Variants in MRTFB observed in about 807,000 individuals in gnomAD.
MRTFB encodes myocardin related transcription factor B, also known as myocardin-related transcription factor B.
MRTFB carries 29 observed loss-of-function variants against 104.2 expected under a neutral mutation model. That is an observed-to-expected ratio of 0.28 (90% CI 0.21 to 0.38). MRTFB has a LOEUF of 0.38. Ranked by LOEUF, MRTFB falls within the 10% of genes least tolerant of loss-of-function variation. The pLI, the probability that MRTFB is intolerant of heterozygous loss-of-function variation, is 1.00. For synonymous variants in MRTFB, 535 were observed against 519.5 expected, an observed-to-expected ratio of 1.03 and a Z score of -0.41; for missense variants, 1,270 against 1,341.6, an observed-to-expected ratio of 0.95 and a Z score of 0.83.
chr16:14,080,658 G>A (rs1011442166), intron 2 of MRTFB, among the ~76,000 whole-genome samples: 4 of 151,620 alleles, frequency 2.6e-5, no homozygotes, highest in Admixed American at 6.6e-5. Flanking sequence ...ACCCCCACCT[G>A]CCCCCGACCT....
At chr16:14,176,297 G>T (rs910045929) in intron 3 of MRTFB, among the ~76,000 whole-genome samples, 1 of 152,214 alleles carries the variant, frequency 6.6e-6, no homozygotes, top group Non-Finnish European at 1.5e-5. Context: ...ATAGGAATAA[G>T]ATAAATGAGA....
chr16:14,127,767 AG>A (rs2037194362), intron 2 of MRTFB, among the ~76,000 whole-genome samples: 1 of 150,754 alleles, frequency 6.6e-6, no homozygotes, highest in Non-Finnish European at 1.5e-5. Flanking sequence ...CTCTTTCTCC[AG>A]GGTGTCATTT....
Position 14,163,268 on chromosome 16 carries a change from A to G in MRTFB, c.154+22508A>G, listed in dbSNP as rs1277704830. 3.3e-5 allele frequency among the ~76,000 whole-genome samples: 5 copies of G among 152,198 alleles called. No homozygotes were observed. The South Asian group carries it at 6.2e-4, about 19-fold the overall frequency. On this transcript the variant is annotated intron_variant, in intron 3 of 16. Coordinates refer to ENST00000571589, the MANE Select transcript of MRTFB (RefSeq NM_001308142.2). The stretch of plus-strand genomic sequence containing the variant: ...AGATTTTCTTGGAACCCAATTGGAA[A>G]TAAGTCAGGTATGACCATTTAAAGA...
chr16:14,040,040 G>A, the MRTFB span, among the ~76,000 whole-genome samples: 9 of 152,212 alleles, frequency 5.9e-5, no homozygotes, highest in South Asian at 2.1e-4. Flanking sequence ...GAGCCACCGC[G>A]CCCAGCCGAT....
intron 2 of MRTFB, among the ~76,000 whole-genome samples, chr16:14,131,102 A>G (rs2037416157): frequency 1.3e-5 from 2 of 152,198 alleles, no homozygotes; most frequent in Non-Finnish European, 2.9e-5. Context: ...TTGAGGTTAT[A>G]CATTGCTCAA....
chr16:14,177,432 GT>G lies in MRTFB; in HGVS notation c.155-32807del, dbSNP rs1377620504. Among the ~76,000 whole-genome samples, 1 of 152,170 alleles carries G rather than the reference GT, an allele frequency of 6.6e-6. No individual in the cohort carries two copies. Among genetic ancestry groups the G allele is most frequent in the African/African-American group, 2.4e-5 (1 of 41,426 alleles). On this transcript the variant is annotated intron_variant, in intron 3 of 16. Coordinates refer to ENST00000571589, the MANE Select transcript of MRTFB (RefSeq NM_001308142.2). This position sits in a 1 kb window ranked among gnomAD's most constrained non-coding sequence, Gnocchi z 4.7. The stretch of plus-strand genomic sequence containing the variant: ...GCTAACCCATTACTCCCTGTTGAGT[GT>G]TTTGGGTTTTGTTTGTTTGTTTTTT...
chr16:14,124,705 T>C (rs1366035331), intron 2 of MRTFB, among the ~76,000 whole-genome samples: 1 of 152,218 alleles, frequency 6.6e-6, no homozygotes, highest in Admixed American at 6.5e-5. Context: ...TCATCAGGGA[T>C]ATTGGCCAGA....
the MRTFB span, among the ~76,000 whole-genome samples, chr16:14,037,491 C>T: frequency 1.3e-5 from 2 of 152,106 alleles, no homozygotes; most frequent in African/African-American, 2.4e-5. Flanking sequence ...GGAAGGGTGT[C>T]TTCCATTGAG....
chr16:14,088,225 G>C (rs1361939585), intron 2 of MRTFB, among the ~76,000 whole-genome samples: 1 of 152,108 alleles, frequency 6.6e-6, no homozygotes, highest in East Asian at 1.9e-4. Flanking sequence ...ATTTTATGGT[G>C]GGAATGTACA....
At chr16:14,231,195 A>C (rs2042247453) in intron 8 of MRTFB, among the ~76,000 whole-genome samples, 1 of 151,784 alleles carries the variant, frequency 6.6e-6, no homozygotes, top group Admixed American at 6.6e-5. Context: ...ATGACGAGTT[A>C]ATGGGTGCAG....
chr16:14,063,788 G>A, the MRTFB span, among the ~76,000 whole-genome samples: 2 of 152,162 alleles, frequency 1.3e-5, no homozygotes, highest in Non-Finnish European at 2.9e-5. Context: ...AGATGTCCAT[G>A]CTGCAAAGGA....
chr16:14,164,318 A>G (rs529348993), intron 3 of MRTFB, among the ~76,000 whole-genome samples: 1 of 152,304 alleles, frequency 6.6e-6, no homozygotes, highest in Non-Finnish European at 1.5e-5. Flanking sequence ...GAGAACGTGC[A>G]GTATTTGTCT....
At chr16:14,099,520 G>T (rs1321607863) in intron 2 of MRTFB, among the ~76,000 whole-genome samples, 1 of 150,906 alleles carries the variant, frequency 6.6e-6, no homozygotes, top group East Asian at 2.0e-4. Flanking sequence ...ATACCACCAT[G>T]TCCGGCTAAT....
chr16:14,210,449 C>G, intron 4 of MRTFB, 141 bp downstream of exon 4: 1 of 618,334 alleles, frequency 1.6e-6, no homozygotes, highest in South Asian at 2.8e-5. Flanking sequence ...AAGGAAAAAT[C>G]AGGCACCTAA....
chr16:14,144,192 A>G (rs908139020), intron 3 of MRTFB: 25 of 152,180 alleles, frequency 1.6e-4, no homozygotes, highest in African/African-American at 5.3e-4. Flanking sequence ...TTTTTGTTCA[A>G]TACGGAGTAA....
At position 14,246,604 on chromosome 16, in the gene MRTFB, A is replaced by G. The variant is rs372837145; in HGVS notation, c.1344A>G (p.Ala448=). 3 of 1,614,028 alleles carry G rather than the reference A, an allele frequency of 1.9e-6. No homozygotes were observed. The highest frequency in any genetic ancestry group is 1.3e-5 in the African/African-American group (1 of 74,914). Reference sequence around the variant, plus strand: ...GCCTTGCTGCTGGGGGCATCGTGGCAGTGTCATCATCAGCCATTGTCACCA... The same window carrying G: ...GCCTTGCTGCTGGGGGCATCGTGGCGGTGTCATCATCAGCCATTGTCACCA... ...SSGLAAGGIV[A]VSSSAIVTSN... is the part of the protein sequence containing the mutation. The change falls in exon 12 of 17, where the codon GCA becomes GCG. Residue 448 remains alanine, a synonymous_variant. Coordinates refer to ENST00000571589, the MANE Select transcript of MRTFB (RefSeq NM_001308142.2).
chr16:14,121,300 C>T (rs1361380643), intron 2 of MRTFB, among the ~76,000 whole-genome samples: 1 of 151,264 alleles, frequency 6.6e-6, no homozygotes, highest in Non-Finnish European at 1.5e-5. Context: ...TTTTTAAGTG[C>T]CATTATTCTT....
chr16:14,250,245 G>A (rs1215486750), intron 13 of MRTFB, among the ~76,000 whole-genome samples: 1 of 152,156 alleles, frequency 6.6e-6, no homozygotes, highest in African/African-American at 2.4e-5. Context: ...CATGGAGATT[G>A]TACTGTTTGA....
intron 2 of MRTFB, among the ~76,000 whole-genome samples, chr16:14,113,709 G>C (rs1367306113): frequency 3.9e-5 from 6 of 152,086 alleles, no homozygotes; most frequent in Admixed American, 3.9e-4. Context: ...TAATCATTAA[G>C]GAATTTAGGA....
Sources: gnomAD v4.1 joint callset for allele counts (sites outside exome capture counted in the v4.1 genomes callset) on GRCh38, gnomAD v4.1.1 for gene constraint, Gnocchi (gnomAD v3.1) non-coding constraint, MANE v1.5 for transcripts, NCBI Gene and HGNC (gene_info 2026-07-23, HGNC 2026-07-21) for gene names.